The following ANKRD24 variants were observed in gnomAD, a reference collection of about 807,000 sequenced individuals.
The protein encoded by ANKRD24 is ankyrin repeat domain 24.
Under a neutral mutation model 127.8 loss-of-function variants are expected in ANKRD24, and 109 were observed. That is an observed-to-expected ratio of 0.85 (90% CI 0.73 to 1.00). The LOEUF (loss-of-function observed/expected upper bound fraction) is 1.00. Ranked by LOEUF, ANKRD24 falls within the 50% of genes least tolerant of loss-of-function variation. ANKRD24 has a pLI of 0.00. For synonymous variants in ANKRD24, 743 were observed against 671.1 expected (o/e 1.11, Z -1.66); for missense variants, 1,648 against 1,570.2 (o/e 1.05, Z -0.84).
rs991582495 is a variant in ANKRD24 at position 4,195,633 on chromosome 19, C to T, written c.37-4050C>T. Among the ~76,000 whole-genome samples the T allele has an allele frequency of 6.6e-6, 1 of 152,170 alleles. No homozygotes were observed. The highest frequency in any genetic ancestry group is 6.5e-5 in the Admixed American group (1 of 15,274). ...TCTAAGAGGGCCGGGCGCAGTGGCT[C>T]ACGCCTGTAATCCCAACACTTTGAG... On this transcript the variant is annotated intron_variant, in intron 2 of 21. Transcript: ENST00000318934. This position sits in a 1 kb window ranked among gnomAD's most constrained non-coding sequence, Gnocchi z 4.2.
rs766852052 is a variant in ANKRD24 at position 4,207,856 on chromosome 19, G to A, written c.720G>A (p.Pro240=). ...VEVLLQGGAQ[P]GITDALGQDA... is the part of the protein sequence containing the mutation. The stretch of plus-strand genomic sequence containing the variant: ...TCCTGCTGCAGGGCGGAGCCCAGCC[G>A]GGCATCACCGATGCGCTGGGGCAGG... The change falls in exon 10 of 22, where the codon CCG becomes CCA. Residue 240 remains proline, a synonymous_variant. Coordinates refer to ENST00000318934, the MANE Select transcript of ANKRD24 (RefSeq NM_001393985.1). 1.7e-5 allele frequency: 26 copies of A among 1,562,954 alleles called. No individual in the cohort carries two copies. The highest frequency in any genetic ancestry group is 6.9e-5 in the African/African-American group (5 of 72,816).
At chr19:4,183,409 C>A in intron 1 of ANKRD24, 2 of 930,888 alleles carry the variant, frequency 2.1e-6, no homozygotes, top group Non-Finnish European at 2.6e-6. Context: ...TTGTACTGGG[C>A]ACACTGGAGA....
intron 18 of ANKRD24, among the ~76,000 whole-genome samples, 170 bp downstream of exon 18, chr19:4,218,333 C>T (rs1970248358): frequency 6.9e-6 from 1 of 143,998 alleles, no homozygotes. Context: ...GAGTTTCACT[C>T]GTGTCGCCCA....
chr19:4,220,509 T>A (rs1311242881), intron 19 of ANKRD24, among the ~76,000 whole-genome samples: 2 of 152,210 alleles, frequency 1.3e-5, no homozygotes, highest in Non-Finnish European at 2.9e-5. Context: ...AACAACAGCC[T>A]CCAGGTGTTA....
chr19:4,196,876 CAGAA>C (rs1381849206), intron 2 of ANKRD24, among the ~76,000 whole-genome samples: 5 of 152,284 alleles, frequency 3.3e-5, no homozygotes, highest in African/African-American at 7.2e-5. Context: ...GCTACAGTGA[CAGAA>C]AGGAACCCAA....
chr19:4,188,531 G>A (rs986409852), intron 2 of ANKRD24, among the ~76,000 whole-genome samples: 3 of 151,666 alleles, frequency 2.0e-5, no homozygotes, highest in Non-Finnish European at 4.4e-5. Flanking sequence ...CTATAGGCGT[G>A]CACCACCACA....
chr19:4,218,424 G>A (rs1036365038), intron 18 of ANKRD24, among the ~76,000 whole-genome samples: 13 of 150,824 alleles, frequency 8.6e-5, no homozygotes, highest in African/African-American at 2.4e-4. Context: ...CTCAGCCTCC[G>A]GAGTAGCTGG....
intron 6 of ANKRD24, 71 bp from the exon 7 acceptor site, chr19:4,202,798 G>T (rs1340833932): frequency 6.7e-7 from 1 of 1,499,342 alleles, no homozygotes; most frequent in East Asian, 2.5e-5. Flanking sequence ...CCCAGGGTAG[G>T]GAAGGCAGTC....
Position 4,198,133 on chromosome 19 carries a change from C to G in ANKRD24, c.37-1550C>G. On this transcript the variant is annotated intron_variant, in intron 2 of 21. Transcript: ENST00000318934. This position sits in a 1 kb window ranked among gnomAD's most constrained non-coding sequence, Gnocchi z 6.1. ...GGTGGAGATGGACGCCCGCGGGTCC[C>G]CTGGAGATGCAGCCGGCGGCCTGCG... is the stretch of plus-strand genomic sequence containing the variant. The G allele has an allele frequency of 1.9e-6, 1 of 516,096 alleles. No homozygotes were observed. The highest frequency in any genetic ancestry group is 3.4e-6 in the Non-Finnish European group (1 of 294,008). 32.0% of individuals were successfully genotyped at this position (516,096 alleles called of 1,614,324 possible).
rs1359347355 is a variant in ANKRD24, at chr19:4,224,521, G to A, written c.*16G>A. The A allele has an allele frequency of 1.2e-6, 2 of 1,601,552 alleles. No individual in the cohort carries two copies. The highest frequency in any genetic ancestry group is 1.7e-6 in the Non-Finnish European group (2 of 1,174,472). ...GGGCCGCTGAGAAAGGCCAGGCCCAGTGGCTACACTGACCACACCCACGCA... is the reference window on the plus strand; with the variant it reads ...GGGCCGCTGAGAAAGGCCAGGCCCAATGGCTACACTGACCACACCCACGCA... On this transcript the variant is annotated 3_prime_UTR_variant, in exon 22 of 22. Coordinates refer to ENST00000318934, the MANE Select transcript of ANKRD24 (RefSeq NM_001393985.1).
At chr19:4,223,182 A>G (rs1046284049) in intron 20 of ANKRD24, among the ~76,000 whole-genome samples, 3 of 151,436 alleles carry the variant, frequency 2.0e-5, no homozygotes, top group Admixed American at 6.6e-5. Context: ...CTGGGCTCGC[A>G]TAAGCCTCCC....
At chr19:4,218,187 G>A (rs767332784) in intron 18 of ANKRD24, 24 bp downstream of exon 18, 8 of 1,428,156 alleles carry the variant, frequency 5.6e-6, no homozygotes, top group South Asian at 4.5e-5. Flanking sequence ...GTCACCACCC[G>A]GGCCCCACCC....
rs757429982 is a variant in ANKRD24, at chr19:4,216,797, T to G, written c.1637T>G (p.Leu546Arg). 1.9e-6 allele frequency: 3 copies of G among 1,602,648 alleles called. No individual in the cohort carries two copies. Among genetic ancestry groups the G allele is most frequent in the Non-Finnish European group, 2.6e-6 (3 of 1,174,976 alleles). ...AAAAACGGGCCAACCCACATGGAGC[T>G]AAATGGCTCAGTGGCTCCAGAAACC... ...ATKNGPTHMELNGSVAPETKV... is the reference protein window; with the variant it reads ...ATKNGPTHMERNGSVAPETKV... The change falls in exon 18 of 22, where the codon CTA (leucine) becomes CGA (arginine). Residue 546 changes from leucine to arginine, a missense_variant. Physicochemically the swap from Leu to Arg is moderately radical, Grantham distance 102. Transcript: ENST00000318934.
At chr19:4,197,247 T>G (rs1968797926) in intron 2 of ANKRD24, among the ~76,000 whole-genome samples, 1 of 151,990 alleles carries the variant, frequency 6.6e-6, no homozygotes, top group Non-Finnish European at 1.5e-5. Context: ...GGATTGCAGC[T>G]CCCCAGTGGC....
chr19:4,223,401 A>ATTTTTTTT lies in ANKRD24; in HGVS notation c.3297+618_3297+625dup, dbSNP rs1173862080. Among the ~76,000 whole-genome samples, 6 of 53,324 alleles carry ATTTTTTTT rather than the reference A, an allele frequency of 1.1e-4. 1 individual carries two copies. The highest frequency in any genetic ancestry group is 4.8e-4 in the African/African-American group (5 of 10,490). 35.0% of individuals were successfully genotyped at this position (53,324 alleles called of 152,430 possible). On this transcript the variant is annotated intron_variant, in intron 20 of 21. Transcript: ENST00000318934. ...TATATATATATATATATATATATAT[A>ATTTTTTTT]TTTTTTTTTTTTTTTTTTTGAGCCA...
chr19:4,206,466 T>C (rs965444675), intron 7 of ANKRD24, among the ~76,000 whole-genome samples: 7 of 151,244 alleles, frequency 4.6e-5, no homozygotes, highest in Non-Finnish European at 1.0e-4. Flanking sequence ...AATAAAATAA[T>C]ATAATATAAA....
At position 4,186,372 on chromosome 19, in the gene ANKRD24, C is replaced by T. The variant is rs1453872329; in HGVS notation, c.-36-18C>T. ...GGACTGGTGTCCCTCACCTTACCCC[C>T]ACCCTTGCCCTCCTCAGGTGGCCTG... On this transcript the variant is annotated intron_variant, in intron 1 of 21. Coordinates refer to ENST00000318934, the MANE Select transcript of ANKRD24 (RefSeq NM_001393985.1). 3.2e-6 allele frequency: 5 copies of T among 1,560,118 alleles called. No individual in the cohort carries two copies. The highest frequency in any genetic ancestry group is 1.9e-5 in the Admixed American group (1 of 52,052).
Position 4,215,967 on chromosome 19 carries a change from C to T in ANKRD24, c.1198-11C>T, listed in dbSNP as rs533403174. 1.3e-6 allele frequency: 2 copies of T among 1,576,962 alleles called. No individual in the cohort carries two copies. Among genetic ancestry groups the T allele is most frequent in the Non-Finnish European group, 1.7e-6 (2 of 1,162,428 alleles). On this transcript the variant is annotated splice_polypyrimidine_tract_variant and intron_variant, in intron 15 of 21. Transcript: ENST00000318934. Reference sequence around the variant, plus strand: ...CAGAACCCCGAGCTGGACTCTGCTCCCTCCCCCCAGAACGAGCGGGAGAAT... The same window carrying T: ...CAGAACCCCGAGCTGGACTCTGCTCTCTCCCCCCAGAACGAGCGGGAGAAT...
chr19:4,217,019 C>CT lies in ANKRD24; in HGVS notation c.1860dup (p.Lys621Ter), dbSNP rs1028524373. On this transcript the variant is annotated frameshift_variant, in exon 18 of 22. Transcript: ENST00000318934. LOFTEE classifies it high-confidence loss of function. ...ACAGAAGAAGAAGCAAACATGGAAA[C>CT]TAAGCCCACAGGAGCTCAGGCCACA... is the stretch of plus-strand genomic sequence containing the variant. 1 of 1,613,814 alleles carries CT rather than the reference C, an allele frequency of 6.2e-7. No individual in the cohort carries two copies. Among genetic ancestry groups the CT allele is most frequent in the African/African-American group, 1.3e-5 (1 of 75,022 alleles).
Sources: allele counts gnomAD v4.1 joint callset (sites outside exome capture counted in the v4.1 genomes callset), GRCh38; gene constraint gnomAD v4.1.1; non-coding constraint Gnocchi (gnomAD v3.1); transcripts MANE v1.5; gene names NCBI Gene and HGNC (gene_info 2026-07-23, HGNC 2026-07-21).